The following ANKS1B variants were observed in gnomAD, a reference collection of about 807,000 sequenced individuals.
ANKS1B encodes ankyrin repeat and sterile alpha motif domain containing 1B.
In ANKS1B, 36 loss-of-function variants were observed where a neutral mutation model predicts 148.3. The ratio of observed to expected loss-of-function variants is 0.24; its 90% confidence interval spans 0.19 to 0.32. The LOEUF is 0.32. ANKS1B is among the 10% of genes least tolerant of loss of function. The pLI, the probability that ANKS1B is intolerant of heterozygous loss-of-function variation, is 1.00. For missense variants in ANKS1B, 1,157 were observed against 1,542.6 expected, an observed-to-expected ratio of 0.75 and a Z score of 4.19; for synonymous variants, 542 against 560.8, an observed-to-expected ratio of 0.97 and a Z score of 0.47.
intron 20 of ANKS1B, among the ~76,000 whole-genome samples, chr12:98,806,239 T>C (rs1044824969): frequency 2.0e-5 from 3 of 152,244 alleles, no homozygotes; most frequent in African/African-American, 7.2e-5. Flanking sequence ...AAAGCCATGC[T>C]TACAACTTAC....
chr12:98,947,103 G>A lies in ANKS1B; in HGVS notation c.2778+106054C>T, dbSNP rs1295226917. 2.6e-5 allele frequency among the ~76,000 whole-genome samples: 4 copies of A among 152,162 alleles called. No individual in the cohort carries two copies. The South Asian group carries it at 8.3e-4, about 32-fold the overall frequency. ...GGGAATGTGAGAGGAGAAAGGAGTGGTGGGAGTGAAGTGAGGGAGGGCAGG... is the reference window on the plus strand; with the variant it reads ...GGGAATGTGAGAGGAGAAAGGAGTGATGGGAGTGAAGTGAGGGAGGGCAGG... On this transcript the variant is annotated intron_variant, in intron 17 of 26. Transcript: ENST00000683438.
At chr12:98,794,403 A>G in intron 22 of ANKS1B, 1 of 192,494 alleles carries the variant, frequency 5.2e-6, no homozygotes, top group Non-Finnish European at 9.1e-6. Flanking sequence ...AAAAAAAAAA[A>G]AAAAAAAAAA....
At chr12:99,536,507 C>T (rs1221467590) in intron 9 of ANKS1B, among the ~76,000 whole-genome samples, 1 of 151,770 alleles carries the variant, frequency 6.6e-6, no homozygotes, top group Non-Finnish European at 1.5e-5. Context: ...CTTTTGTGTT[C>T]CAGTGGTTGG....
intron 17 of ANKS1B, among the ~76,000 whole-genome samples, chr12:98,991,213 A>G (rs1165707881): frequency 6.6e-6 from 1 of 152,212 alleles, no homozygotes; most frequent in Non-Finnish European, 1.5e-5. Flanking sequence ...AGAAAACTCT[A>G]ATATAGTATT....
chr12:99,530,412 G>A (rs1157063594), intron 9 of ANKS1B, among the ~76,000 whole-genome samples: 1 of 152,128 alleles, frequency 6.6e-6, no homozygotes, highest in Non-Finnish European at 1.5e-5. Flanking sequence ...CTGCTCCCAA[G>A]TTTAGGAGTC....
chr12:99,347,314 G>A (rs7954845), intron 12 of ANKS1B, among the ~76,000 whole-genome samples: 70,796 of 151,888 alleles, frequency 0.47, 18,632 homozygotes, highest in African/African-American at 0.72. Context: ...GCTTGGGGGA[G>A]TAAGGGCTTT....
intron 12 of ANKS1B, 41 bp from the exon 13 acceptor site, chr12:99,246,905 C>T: frequency 6.9e-7 from 1 of 1,457,802 alleles, no homozygotes; most frequent in Non-Finnish European, 9.2e-7. Context: ...TATAAAGGTT[C>T]TGAAAGCCAC....
chr12:99,392,109 G>A lies in ANKS1B; in HGVS notation c.1756+7522C>T, dbSNP rs1168418380. On this transcript the variant is annotated intron_variant, in intron 12 of 26. Coordinates refer to ENST00000683438, the MANE Select transcript of ANKS1B (RefSeq NM_001352186.2). ...TACTTTCTCCATATCAGCTTGCCCC[G>A]AATCTTAGCTTGGAGTTGAGAGGTC... Among the ~76,000 whole-genome samples, 4 of 152,170 alleles carry A rather than the reference G, an allele frequency of 2.6e-5. No individual in the cohort carries two copies. The East Asian group carries it at 7.7e-4, about 29-fold the overall frequency.
At chr12:99,488,479 A>T (rs1322152701) in intron 10 of ANKS1B, among the ~76,000 whole-genome samples, 4 of 152,138 alleles carry the variant, frequency 2.6e-5, no homozygotes, top group South Asian at 4.1e-4. Context: ...TAAAATTTTT[A>T]CCAGAAATGT....
intron 8 of ANKS1B, among the ~76,000 whole-genome samples, chr12:99,712,178 A>G (rs767545533): frequency 6.6e-5 from 10 of 152,078 alleles, no homozygotes; most frequent in Non-Finnish European, 1.5e-4. Flanking sequence ...GGAACAACAT[A>G]TTATTTTTAT....
intron 9 of ANKS1B, among the ~76,000 whole-genome samples, chr12:99,509,362 C>T (rs1185329527): frequency 6.6e-6 from 1 of 151,830 alleles, no homozygotes; most frequent in Non-Finnish European, 1.5e-5. Flanking sequence ...CAAACAGCTA[C>T]CAAGCTGTGA....
intron 12 of ANKS1B, among the ~76,000 whole-genome samples, chr12:99,396,124 C>T (rs1427414422): frequency 6.6e-6 from 1 of 151,910 alleles, no homozygotes; most frequent in Non-Finnish European, 1.5e-5. Flanking sequence ...TATTAGTTGC[C>T]AAGGTTTACA....
chr12:99,673,854 G>A (rs7956828), intron 8 of ANKS1B, among the ~76,000 whole-genome samples: 35,368 of 151,248 alleles, frequency 0.23, 4,793 homozygotes, highest in Non-Finnish European at 0.3. Context: ...TATTTTCAGT[G>A]AAACAATTAC....
At chr12:99,238,989 A>G (rs1009801665) in intron 14 of ANKS1B, among the ~76,000 whole-genome samples, 11 of 152,218 alleles carry the variant, frequency 7.2e-5, no homozygotes, top group African/African-American at 2.7e-4. Flanking sequence ...TGAAAATTCC[A>G]AAAACCAGAA....
intron 1 of ANKS1B, among the ~76,000 whole-genome samples, chr12:99,831,732 G>C (rs1344164222): frequency 6.7e-6 from 1 of 150,302 alleles, no homozygotes. Flanking sequence ...TTTTTTTTTA[G>C]CTTATGTGAA....
intron 17 of ANKS1B, among the ~76,000 whole-genome samples, chr12:99,045,255 G>A (rs1358363064): frequency 6.6e-6 from 1 of 152,122 alleles, no homozygotes; most frequent in African/African-American, 2.4e-5. Flanking sequence ...GTTCTATGGA[G>A]GCACATGTGT....
rs1024963038 is a variant in ANKS1B at position 99,677,353 on chromosome 12, T to A, written c.1129-22143A>T. ...CTGTTTGTTTTTTTATTTTTTTGTTTTTTTTCCTTAAGGCTGCTCAAGAAA... is the reference window on the plus strand; with the variant it reads ...CTGTTTGTTTTTTTATTTTTTTGTTATTTTTCCTTAAGGCTGCTCAAGAAA... On this transcript the variant is annotated intron_variant, in intron 8 of 26. Transcript: ENST00000683438. Among the ~76,000 whole-genome samples the A allele has an allele frequency of 5.3e-5, 8 of 152,268 alleles. 1 individual carries two copies. Among genetic ancestry groups the A allele is most frequent in the African/African-American group, 1.9e-4 (8 of 41,550 alleles).
intron 8 of ANKS1B, among the ~76,000 whole-genome samples, chr12:99,725,154 C>T (rs2058490340): frequency 2.0e-5 from 3 of 152,114 alleles, no homozygotes; most frequent in Admixed American, 2.0e-4. Flanking sequence ...TCACATATAA[C>T]AATATTAACC....
intron 11 of ANKS1B, among the ~76,000 whole-genome samples, chr12:99,418,117 T>G (rs763539169): frequency 1.4e-4 from 21 of 152,144 alleles, no homozygotes; most frequent in Non-Finnish European, 2.8e-4. Context: ...CACTAATTAA[T>G]AACATAAAAC....
Sources: allele counts gnomAD v4.1 joint callset (sites outside exome capture counted in the v4.1 genomes callset), GRCh38; gene constraint gnomAD v4.1.1; transcripts MANE v1.5; gene names NCBI Gene and HGNC (gene_info 2026-07-23, HGNC 2026-07-21).